Variants in ERP29 observed in about 807,000 individuals in gnomAD.
ERP29 encodes endoplasmic reticulum resident protein 29.
A neutral mutation model predicts 21.7 loss-of-function variants in ERP29; 14 were observed. That is an observed-to-expected ratio of 0.64 (90% CI 0.43 to 1.01). The LOEUF (loss-of-function observed/expected upper bound fraction) is 1.01, where lower values mean the gene tolerates loss of function less well. ERP29 is among the 50% of genes least tolerant of loss of function. ERP29 has a pLI of 0.00. For synonymous variants in ERP29, 129 were observed against 139.1 expected, an observed-to-expected ratio of 0.93 and a Z score of 0.51; for missense variants, 286 against 327.3, an observed-to-expected ratio of 0.87 and a Z score of 0.97.
rs761716836 is a variant in ERP29, at chr12:112,022,475, G to A, written c.609G>A (p.Leu203=). ...ETQKKWAEQY[L]KIMGKILDQG... The stretch of plus-strand genomic sequence containing the variant: ...AGAAGAAGTGGGCCGAGCAATACCT[G>A]AAGATCATGGGGAAGATCTTAGACC... The change falls in exon 3 of 3, where the codon CTG becomes CTA. Residue 203 remains leucine (L), a synonymous_variant. Coordinates refer to ENST00000261735, the MANE Select transcript of ERP29 (RefSeq NM_006817.4). The A allele has an allele frequency of 2.5e-6, 4 of 1,614,154 alleles. No homozygotes were observed. In the Admixed American group the frequency reaches 6.7e-5, roughly 27 times the overall value.
In ERP29 at chr12:112,019,816, A is replaced by C. The variant is rs996973780; in HGVS notation, c.205A>C (p.Lys69Gln). The change falls in exon 2 of 3, where the codon AAG becomes CAG. Residue 69 changes from lysine (K) to glutamine (Q), a missense_variant. Physicochemically the swap from Lys to Gln is moderately conservative, Grantham distance 53 (BLOSUM62 1). Transcript: ENST00000261735. The stretch of plus-strand genomic sequence containing the variant: ...CGACACCCAGTACCCCTACGGTGAG[A>C]AGCAGGATGAGTTCAAGCGTCTTGC... ...KFDTQYPYGE[K>Q]QDEFKRLAEN... The C allele has an allele frequency of 3.7e-6, 6 of 1,613,488 alleles. No homozygotes were observed. Among genetic ancestry groups the C allele is most frequent in the South Asian group, 3.3e-5 (3 of 91,060 alleles).
chr12:112,017,728 A>T (rs2078019940), intron 1 of ERP29, among the ~76,000 whole-genome samples: 2 of 151,930 alleles, frequency 1.3e-5, no homozygotes, highest in South Asian at 4.2e-4. Flanking sequence ...AACCAAGAGG[A>T]CATCAGTACA....
At chr12:112,017,740 TG>T (rs2078020048) in intron 1 of ERP29, among the ~76,000 whole-genome samples, 3 of 152,000 alleles carry the variant, frequency 2.0e-5, no homozygotes, top group Admixed American at 6.6e-5. Flanking sequence ...ATCAGTACAC[TG>T]TAAAGGACAA....
rs1365707665 is a variant in ERP29, at chr12:112,022,153, A to G, written c.287A>G (p.Tyr96Cys). The G allele has an allele frequency of 6.2e-7, 1 of 1,613,990 alleles. No homozygotes were observed. Among genetic ancestry groups the G allele is most frequent in the Non-Finnish European group, 8.5e-7 (1 of 1,179,956 alleles). The change falls in exon 3 of 3, where the codon TAT becomes TGT. Residue 96 changes from tyrosine to cysteine, a missense_variant. Transcript: ENST00000261735. ...LLVAEVGISD[Y>C]GDKLNMELSE... ...TGTGTCTGGTTTCTGCTCACAGATTATGGTGACAAGCTGAACATGGAGCTG... is the reference window on the plus strand; with the variant it reads ...TGTGTCTGGTTTCTGCTCACAGATTGTGGTGACAAGCTGAACATGGAGCTG...
At chr12:112,019,018 G>A (rs2078029205) in intron 1 of ERP29, 1 of 152,438 alleles carries the variant, frequency 6.6e-6, no homozygotes, top group Non-Finnish European at 1.5e-5. Flanking sequence ...ACTGCGTAAT[G>A]AGTATAGGGT....
intron 1 of ERP29, among the ~76,000 whole-genome samples, chr12:112,015,668 A>G (rs1055705314): frequency 3.0e-4 from 45 of 152,186 alleles, no homozygotes; most frequent in African/African-American, 1.1e-3. Context: ...ACTTTGCGCC[A>G]TAAAGCTAAC....
Position 112,022,640 on chromosome 12 carries a change from A to G in ERP29, c.774A>G (p.Lys258=). 1 of 1,608,318 alleles carries G rather than the reference A, an allele frequency of 6.2e-7. No homozygotes were observed. The highest frequency in any genetic ancestry group is 2.2e-5 in the East Asian group (1 of 44,824). The change falls in exon 3 of 3, where the codon AAA becomes AAG. Residue 258 remains lysine (K), a synonymous_variant. Coordinates refer to ENST00000261735, the MANE Select transcript of ERP29 (RefSeq NM_006817.4). ...CCTTCCAGAAGAAGGGGGCCGAGAAAGAGGAGCTGTAAAAAGGCTGTCTGT... is the reference window on the plus strand; with the variant it reads ...CCTTCCAGAAGAAGGGGGCCGAGAAGGAGGAGCTGTAAAAAGGCTGTCTGT... ...LTAFQKKGAE[K]EEL is the part of the protein sequence containing the mutation.
At chr12:112,022,029 A>G in intron 2 of ERP29, 121 bp from the exon 3 acceptor site, 1 of 930,404 alleles carries the variant, frequency 1.1e-6, no homozygotes, top group Non-Finnish European at 1.6e-6. Flanking sequence ...GTTGCTCCTC[A>G]CTTTGAACCA....
At chr12:112,019,627 A>G in intron 1 of ERP29, 129 bp from the exon 2 acceptor site, 1 of 1,026,610 alleles carries the variant, frequency 9.7e-7, no homozygotes, top group Non-Finnish European at 1.5e-6. Context: ...AATAAATATT[A>G]GTTTGTGAGA....
In ERP29 at chr12:112,013,500, C is replaced by T. The variant is rs751471173; in HGVS notation, c.35C>T (p.Ser12Phe). ...AAAVPRAAFL[S>F]PLLPLLLGFL... The stretch of plus-strand genomic sequence containing the variant: ...GCTGTGCCCCGCGCCGCATTTCTCT[C>T]CCCGCTGCTTCCCCTTCTCCTGGGC... The change falls in exon 1 of 3, where the codon TCC becomes TTC. Residue 12 changes from serine (S) to phenylalanine (F), a missense_variant. By Grantham distance (155) the Ser-to-Phe change is radical. Coordinates refer to ENST00000261735, the MANE Select transcript of ERP29 (RefSeq NM_006817.4). 12 of 1,612,664 alleles carry T rather than the reference C, an allele frequency of 7.4e-6. No individual in the cohort carries two copies. The Admixed American group carries it at 2.0e-4, about 27-fold the overall frequency.
rs774120135 is a variant in ERP29 at position 112,019,914 on chromosome 12, G to C, written c.283+20G>C. On this transcript the variant is annotated intron_variant, in intron 2 of 2. Coordinates refer to ENST00000261735, the MANE Select transcript of ERP29 (RefSeq NM_006817.4). ...TCTCAGGTATGGACAAGTCCAGGACGGCTGGGGGGGCAGAGAGGGAGGAAG... is the reference window on the plus strand; with the variant it reads ...TCTCAGGTATGGACAAGTCCAGGACCGCTGGGGGGGCAGAGAGGGAGGAAG... 3 of 1,613,314 alleles carry C rather than the reference G, an allele frequency of 1.9e-6. No individual in the cohort carries two copies. The East Asian group carries it at 6.7e-5, about 36-fold the overall frequency.
intron 1 of ERP29, among the ~76,000 whole-genome samples, chr12:112,017,827 C>G (rs941468116): frequency 6.7e-6 from 1 of 148,908 alleles, no homozygotes; most frequent in African/African-American, 2.5e-5. Context: ...TCTTTTCGCC[C>G]AGGCTGGAGT....
intron 1 of ERP29, among the ~76,000 whole-genome samples, chr12:112,016,346 CTTT>C (rs2078012491): frequency 1.3e-5 from 2 of 152,136 alleles, no homozygotes; most frequent in African/African-American, 4.8e-5. Context: ...TTTCCAGTAT[CTTT>C]TTTGTTGTTG....
chr12:112,022,076 A>T, intron 2 of ERP29, 74 bp from the exon 3 acceptor site: 1 of 1,483,370 alleles, frequency 6.7e-7, no homozygotes, highest in Non-Finnish European at 9.3e-7. Flanking sequence ...CCCTCAGTTC[A>T]GCTAGGTCCC....
rs375049550 is a variant in ERP29 at position 112,013,487 on chromosome 12, G to A, written c.22G>A (p.Ala8Thr). The A allele has an allele frequency of 3.1e-6, 5 of 1,612,638 alleles. No homozygotes were observed. The South Asian group carries it at 5.5e-5, about 18-fold the overall frequency. Residue 8 changes from alanine (A) to threonine (T), a missense_variant, in exon 1 of 3, where the codon GCC becomes ACC. Coordinates refer to ENST00000261735, the MANE Select transcript of ERP29 (RefSeq NM_006817.4). ...CGATATGGCTGCCGCTGTGCCCCGC[G>A]CCGCATTTCTCTCCCCGCTGCTTCC... MAAAVPRAAFLSPLLPLL... is the reference protein window; with the variant it reads MAAAVPRTAFLSPLLPLL...
chr12:112,019,920 G>A (rs369454134), intron 2 of ERP29, 26 bp downstream of exon 2: 2 of 1,613,162 alleles, frequency 1.2e-6, no homozygotes, highest in African/African-American at 1.3e-5. Context: ...GGACGGCTGG[G>A]GGGGCAGAGA....
At chr12:112,021,115 A>G (rs1243702226) in intron 2 of ERP29, among the ~76,000 whole-genome samples, 1 of 152,236 alleles carries the variant, frequency 6.6e-6, no homozygotes, top group Non-Finnish European at 1.5e-5. Flanking sequence ...CCTGCCAAGT[A>G]TCACGCACAT....
chr12:112,015,507 G>A (rs2078006278), intron 1 of ERP29, among the ~76,000 whole-genome samples: 1 of 151,490 alleles, frequency 6.6e-6, no homozygotes, highest in Admixed American at 6.6e-5. Flanking sequence ...AAAAAATGGT[G>A]TAGGTGTGGC....
At chr12:112,014,100 A>C (rs1430404853) in intron 1 of ERP29, among the ~76,000 whole-genome samples, 1 of 152,088 alleles carries the variant, frequency 6.6e-6, no homozygotes, top group Non-Finnish European at 1.5e-5. Context: ...GTGTGCAAAC[A>C]ATGATCAGAT....
Sources: gnomAD v4.1 joint callset for allele counts (sites outside exome capture counted in the v4.1 genomes callset) on GRCh38, gnomAD v4.1.1 for gene constraint, MANE v1.5 for transcripts, NCBI Gene and HGNC (gene_info 2026-07-23, HGNC 2026-07-21) for gene names.